The following NELL2 variants were observed in gnomAD, a reference collection of about 807,000 sequenced individuals.
NELL2 encodes protein kinase C-binding protein NELL2.
NELL2 carries 41 observed loss-of-function variants against 109.6 expected under a neutral mutation model. That is an observed-to-expected ratio of 0.37 (90% CI 0.29 to 0.49). The LOEUF is 0.49. Among genes scored for constraint, NELL2 ranks in the 20% least tolerant of loss-of-function variants. The pLI, the probability that NELL2 is intolerant of heterozygous loss-of-function variation, is 0.98. For missense variants in NELL2, 900 were observed against 1,008.3 expected (o/e 0.89, Z 1.45); for synonymous variants, 355 against 344.7 (o/e 1.03, Z -0.33).
intron 13 of NELL2, among the ~76,000 whole-genome samples, chr12:44,626,474 G>T (rs1368228521): frequency 6.6e-6 from 1 of 152,082 alleles, no homozygotes; most frequent in Non-Finnish European, 1.5e-5. Context: ...CTTTTACCTG[G>T]ATTTATTTCT....
chr12:44,846,102 T>A (rs899922126), intron 2 of NELL2, among the ~76,000 whole-genome samples: 2 of 152,184 alleles, frequency 1.3e-5, no homozygotes, highest in African/African-American at 4.8e-5. Flanking sequence ...TTGGAGTACA[T>A]CCCTTGAAGT....
intron 19 of NELL2, among the ~76,000 whole-genome samples, chr12:44,514,715 GAATA>G (rs1420334486): frequency 6.6e-6 from 1 of 151,214 alleles, no homozygotes; most frequent in Non-Finnish European, 1.5e-5. Context: ...TACTATATGT[GAATA>G]AATATAAAAT....
chr12:44,597,059 C>T (rs1326081796), intron 15 of NELL2, among the ~76,000 whole-genome samples: 1 of 152,162 alleles, frequency 6.6e-6, no homozygotes, highest in Non-Finnish European at 1.5e-5. Context: ...GTTATCTAGA[C>T]TCTGATTGAA....
chr12:44,721,092 A>G (rs1938745719), intron 9 of NELL2, among the ~76,000 whole-genome samples: 1 of 152,230 alleles, frequency 6.6e-6, no homozygotes, highest in Admixed American at 6.5e-5. Flanking sequence ...CTGAGGAAAC[A>G]AAAATTGAAT....
chr12:44,904,256 C>T (rs2703051), intron 1 of NELL2, among the ~76,000 whole-genome samples: 5,298 of 152,068 alleles, frequency 0.035, 201 homozygotes, highest in African/African-American at 0.086. Flanking sequence ...TGGGAAAAGG[C>T]TAGATCAGAC....
intron 15 of NELL2, among the ~76,000 whole-genome samples, chr12:44,574,436 G>A (rs1943993079): frequency 6.6e-6 from 1 of 151,972 alleles, no homozygotes; most frequent in African/African-American, 2.4e-5. Context: ...TATTAATATT[G>A]TCTTAAATTT....
intron 10 of NELL2, among the ~76,000 whole-genome samples, chr12:44,712,132 C>G (rs1008828475): frequency 3.9e-5 from 6 of 152,036 alleles, no homozygotes; most frequent in African/African-American, 1.4e-4. Flanking sequence ...GTCCTAAAAA[C>G]AAGGATCATT....
At chr12:44,638,307 A>G (rs950913067) in intron 13 of NELL2, among the ~76,000 whole-genome samples, 1 of 152,112 alleles carries the variant, frequency 6.6e-6, no homozygotes, top group Non-Finnish European at 1.5e-5. Flanking sequence ...GTCATTACAG[A>G]ATCCGCTAAC....
At chr12:44,548,154 C>A (rs1039928995) in intron 15 of NELL2, among the ~76,000 whole-genome samples, 2 of 152,080 alleles carry the variant, frequency 1.3e-5, no homozygotes, top group Admixed American at 6.6e-5. Context: ...TCATCCTCAG[C>A]AAATAGGACT....
chr12:44,558,802 G>A (rs117507575), intron 15 of NELL2, among the ~76,000 whole-genome samples: 270 of 152,112 alleles, frequency 1.8e-3, no homozygotes, highest in Non-Finnish European at 2.3e-3. Context: ...CTCCAGTGGC[G>A]ACTGGAACAC....
chr12:44,742,434 A>G (rs1743347585), intron 9 of NELL2, among the ~76,000 whole-genome samples: 1 of 152,238 alleles, frequency 6.6e-6, no homozygotes, highest in South Asian at 2.1e-4. Context: ...GCTCCTCACC[A>G]GCAATGAAAC....
At chr12:44,646,613 C>T (rs1382890854) in intron 13 of NELL2, among the ~76,000 whole-genome samples, 1 of 152,146 alleles carries the variant, frequency 6.6e-6, no homozygotes, top group African/African-American at 2.4e-5. Context: ...CTGTACTCAA[C>T]CATTTTTGGA....
At chr12:44,630,075 T>C (rs1162476451) in intron 13 of NELL2, among the ~76,000 whole-genome samples, 3 of 152,210 alleles carry the variant, frequency 2.0e-5, no homozygotes, top group South Asian at 2.1e-4. Context: ...ATTTTGCATA[T>C]TTAACATTCT....
chr12:44,876,106 G>C lies in NELL2; in HGVS notation c.-237C>G, dbSNP rs113268769. Reference sequence around the variant, plus strand: ...TCATTCCCACACGCAGGGCCGAGGCGGCAGCGCGGCCCGGAGGGGGCCCGG... The same window carrying C: ...TCATTCCCACACGCAGGGCCGAGGCCGCAGCGCGGCCCGGAGGGGGCCCGG... On this transcript the variant is annotated 5_prime_UTR_variant, in exon 1 of 20. Coordinates refer to ENST00000429094, the MANE Select transcript of NELL2 (RefSeq NM_001145108.2). 2 of 1,329,790 alleles carry C rather than the reference G, an allele frequency of 1.5e-6. No individual in the cohort carries two copies. Among genetic ancestry groups the C allele is most frequent in the Non-Finnish European group, 1.9e-6 (2 of 1,040,692 alleles). 82.4% of individuals were successfully genotyped at this position (1,329,790 alleles called of 1,614,324 possible). A position where few individuals can be genotyped will look rare whatever the true frequency, so the allele number is the denominator to read the frequency against.
Position 44,777,244 on chromosome 12 carries a change from C to A in NELL2, c.677G>T (p.Arg226Leu). ...AGTGCAAGAACTAATAGACTTACTGCGATTAAGATCTGGGCACTGAGCAAT... is the reference window on the plus strand; with the variant it reads ...AGTGCAAGAACTAATAGACTTACTGAGATTAAGATCTGGGCACTGAGCAAT... The part of the protein sequence containing the change: ...GFIAQCPDLN[R>L]TCPTCNDFHG... Residue 226 changes from arginine to leucine, a missense_variant and splice_region_variant, in exon 6 of 20, where the codon CGC (arginine) becomes CTC (leucine). Physicochemically the swap from Arg to Leu is moderately radical, Grantham distance 102. Transcript: ENST00000429094. 4 of 1,613,076 alleles carry A rather than the reference C, an allele frequency of 2.5e-6. No homozygotes were observed. The highest frequency in any genetic ancestry group is 1.7e-4 in the Middle Eastern group (1 of 6,058).
chr12:44,902,252 C>T (rs1304994049), intron 1 of NELL2, among the ~76,000 whole-genome samples: 1 of 152,008 alleles, frequency 6.6e-6, no homozygotes, highest in Non-Finnish European at 1.5e-5. Flanking sequence ...TCCTATACAC[C>T]AATAGTAGAC....
chr12:44,738,096 G>C (rs1939747150), intron 9 of NELL2, among the ~76,000 whole-genome samples: 1 of 152,138 alleles, frequency 6.6e-6, no homozygotes, highest in African/African-American at 2.4e-5. Flanking sequence ...TCTGCTCTAT[G>C]AACCCACAGC....
chr12:44,795,957 T>A (rs1371600193), intron 3 of NELL2, among the ~76,000 whole-genome samples: 2 of 152,076 alleles, frequency 1.3e-5, no homozygotes, highest in African/African-American at 4.8e-5. Flanking sequence ...TATTTGTTCA[T>A]TCGGAAGACA....
intron 16 of NELL2, among the ~76,000 whole-genome samples, chr12:44,523,921 A>C (rs1941651963): frequency 6.6e-6 from 1 of 152,034 alleles, no homozygotes; most frequent in Non-Finnish European, 1.5e-5. Context: ...ATGAAATGTC[A>C]TGAGATCCCT....
Sources: allele counts gnomAD v4.1 joint callset (sites outside exome capture counted in the v4.1 genomes callset), GRCh38; gene constraint gnomAD v4.1.1; transcripts MANE v1.5; gene names NCBI Gene and HGNC (gene_info 2026-07-23, HGNC 2026-07-21).